CCSER1: variants seen among roughly 807,000 people sequenced by gnomAD.
CCSER1 encodes coiled-coil serine rich protein 1.
A neutral mutation model predicts 82.0 loss-of-function variants in CCSER1; 41 were observed. That is an observed-to-expected ratio of 0.50 (90% CI 0.39 to 0.65). The LOEUF is 0.65. Among genes scored for constraint, CCSER1 ranks in the 30% least tolerant of loss-of-function variants. The probability of loss-of-function intolerance (pLI) is 0.00; values close to 1 mark genes in which losing one functional copy is unlikely to be tolerated. For synonymous variants in CCSER1, 414 were observed against 383.9 expected (o/e 1.08, Z -0.92); for missense variants, 1,119 against 1,064.2 (o/e 1.05, Z -0.72).
chr4:91,234,683 A>G (rs1738869023), intron 10 of CCSER1, among the ~76,000 whole-genome samples: 1 of 152,124 alleles, frequency 6.6e-6, no homozygotes, highest in Admixed American at 6.5e-5. Flanking sequence ...GAAAATATTT[A>G]TTGTAGTGAC....
At chr4:90,180,203 C>T (rs984557236) in intron 1 of CCSER1, among the ~76,000 whole-genome samples, 8 of 151,344 alleles carry the variant, frequency 5.3e-5, no homozygotes, top group Non-Finnish European at 8.8e-5. Flanking sequence ...AATTTTTAGG[C>T]ATTTTTTAAG....
In CCSER1 at chr4:91,241,451, G is replaced by A. The variant is rs1335484161; in HGVS notation, c.2217+155457G>A. Among the ~76,000 whole-genome samples, 11 of 142,890 alleles carry A rather than the reference G, an allele frequency of 7.7e-5. No individual in the cohort carries two copies. In the East Asian group the frequency reaches 1.9e-3, roughly 24 times the overall value. The allele number at this position is 142,890 out of a possible 152,430, so 93.7% of individuals were successfully genotyped here. On this transcript the variant is annotated intron_variant, in intron 10 of 10. Coordinates refer to ENST00000509176, the MANE Select transcript of CCSER1 (RefSeq NM_001145065.2). ...CGCCATTCTCTTGCCTCAGCCTCCCGAGTAGCTGGGACTACATACGCCAGC... is the reference window on the plus strand; with the variant it reads ...CGCCATTCTCTTGCCTCAGCCTCCCAAGTAGCTGGGACTACATACGCCAGC...
At chr4:91,585,009 T>C (rs1318834373) in intron 10 of CCSER1, among the ~76,000 whole-genome samples, 1 of 151,606 alleles carries the variant, frequency 6.6e-6, no homozygotes, top group Non-Finnish European at 1.5e-5. Context: ...TGCTTTGTCA[T>C]GTCACTTACC....
intron 1 of CCSER1, among the ~76,000 whole-genome samples, chr4:90,257,327 G>T (rs1022734672): frequency 5.3e-5 from 8 of 152,014 alleles, no homozygotes; most frequent in African/African-American, 1.4e-4. Flanking sequence ...GACCTTGTAT[G>T]GTTCTTTTGT....
At chr4:90,197,780 TG>T (rs1473611804) in intron 1 of CCSER1, among the ~76,000 whole-genome samples, 1 of 150,900 alleles carries the variant, frequency 6.6e-6, no homozygotes, top group Non-Finnish European at 1.5e-5. Flanking sequence ...TACCAGAGGC[TG>T]GGAAGGGTAG....
At chr4:91,291,117 T>A (rs1743711192) in intron 10 of CCSER1, among the ~76,000 whole-genome samples, 1 of 151,756 alleles carries the variant, frequency 6.6e-6, no homozygotes, top group Non-Finnish European at 1.5e-5. Context: ...TTAATAAATA[T>A]CTGTAAGCAC....
intron 10 of CCSER1, among the ~76,000 whole-genome samples, chr4:91,276,652 C>T (rs534796975): frequency 2.6e-5 from 4 of 151,742 alleles, no homozygotes; most frequent in Non-Finnish European, 4.4e-5. Context: ...TTTCTCTTAC[C>T]TGATTGTTCT....
rs752181976 is a variant in CCSER1 at position 90,628,015 on chromosome 4, T to G, written c.1725-10T>G. ...ACTGTAATTTTTGTTCTTTTTTTTT[T>G]TCTTGTTAGGAATCTTTCCCTGAAA... On this transcript the variant is annotated splice_polypyrimidine_tract_variant and intron_variant, in intron 5 of 10. Transcript: ENST00000509176. 1.4e-5 allele frequency: 23 copies of G among 1,611,402 alleles called. No individual in the cohort carries two copies. In the African/African-American group the frequency reaches 2.5e-4, roughly 18 times the overall value.
intron 5 of CCSER1, among the ~76,000 whole-genome samples, chr4:90,493,261 A>G (rs187143606): frequency 6.6e-6 from 1 of 152,182 alleles, no homozygotes; most frequent in African/African-American, 2.4e-5. Context: ...ATATGGAACT[A>G]TGTGAAAAGA....
chr4:90,983,737 T>G (rs1736333945), intron 9 of CCSER1, among the ~76,000 whole-genome samples: 1 of 151,802 alleles, frequency 6.6e-6, no homozygotes, highest in Non-Finnish European at 1.5e-5. Flanking sequence ...TCTCACACAC[T>G]TAGTCTGTAA....
intron 10 of CCSER1, among the ~76,000 whole-genome samples, chr4:91,426,296 A>T (rs1333411014): frequency 1.3e-5 from 2 of 152,194 alleles, no homozygotes; most frequent in Non-Finnish European, 2.9e-5. Flanking sequence ...ATTGATGGAC[A>T]TTTGGGTTGG....
At chr4:90,731,930 A>G (rs1744810288) in intron 7 of CCSER1, among the ~76,000 whole-genome samples, 1 of 151,872 alleles carries the variant, frequency 6.6e-6, no homozygotes, top group Non-Finnish European at 1.5e-5. Flanking sequence ...GAGGTTGAGA[A>G]TGGGGTCATC....
chr4:90,863,779 A>T (rs761714808), intron 8 of CCSER1, among the ~76,000 whole-genome samples: 15 of 151,812 alleles, frequency 9.9e-5, no homozygotes, highest in South Asian at 4.1e-4. Context: ...TTAAGCCTTC[A>T]TTTCTTAAAA....
intron 9 of CCSER1, among the ~76,000 whole-genome samples, chr4:91,014,526 T>C (rs1388006204): frequency 7.4e-6 from 1 of 134,718 alleles, no homozygotes; most frequent in African/African-American, 2.5e-5. Flanking sequence ...AAACATTGTT[T>C]TATTACCTAA....
intron 10 of CCSER1, among the ~76,000 whole-genome samples, chr4:91,095,818 C>T (rs1188715852): frequency 6.6e-6 from 1 of 151,912 alleles, no homozygotes; most frequent in Non-Finnish European, 1.5e-5. Flanking sequence ...ATATCTGGTC[C>T]TTCATTTGGA....
chr4:90,880,815 C>T (rs188527413), intron 8 of CCSER1, among the ~76,000 whole-genome samples: 85 of 152,148 alleles, frequency 5.6e-4, no homozygotes, highest in African/African-American at 1.9e-3. Flanking sequence ...GAAGGCACTT[C>T]GCTGGGCTGG....
Position 90,376,505 on chromosome 4 carries a change from G to T in CCSER1, c.1510-23531G>T, listed in dbSNP as rs1748337059. Among the ~76,000 whole-genome samples, 2 of 152,130 alleles carry T rather than the reference G, an allele frequency of 1.3e-5. 1 individual carries two copies. Among genetic ancestry groups the T allele is most frequent in the South Asian group, 4.1e-4 (2 of 4,824 alleles). On this transcript the variant is annotated intron_variant, in intron 3 of 10. Coordinates refer to ENST00000509176, the MANE Select transcript of CCSER1 (RefSeq NM_001145065.2). Reference sequence around the variant, plus strand: ...TTAATGCCTTGGATCAAGTGGAAAGGTCAATAAAGAAAGCCATTTGGCTTT... The same window carrying T: ...TTAATGCCTTGGATCAAGTGGAAAGTTCAATAAAGAAAGCCATTTGGCTTT...
intron 10 of CCSER1, among the ~76,000 whole-genome samples, chr4:91,371,266 A>G (rs1750024743): frequency 1.3e-5 from 2 of 152,072 alleles, no homozygotes; most frequent in African/African-American, 4.8e-5. Context: ...ATTTTTGTAC[A>G]TCCCCACTTA....
intron 10 of CCSER1, among the ~76,000 whole-genome samples, chr4:91,281,567 T>G (rs1300164221): frequency 2.0e-5 from 3 of 152,140 alleles, no homozygotes; most frequent in African/African-American, 7.2e-5. Context: ...GACATCAGAT[T>G]TTTCATTAGA....
Sources: allele counts gnomAD v4.1 joint callset (sites outside exome capture counted in the v4.1 genomes callset), GRCh38; gene constraint gnomAD v4.1.1; transcripts MANE v1.5; gene names NCBI Gene and HGNC (gene_info 2026-07-23, HGNC 2026-07-21).